The following MON2 variants were observed in gnomAD, a reference collection of about 807,000 sequenced individuals.
The protein encoded by MON2 is MON2 regulator of endosome-to-Golgi trafficking.
Under a neutral mutation model 208.6 loss-of-function variants are expected in MON2, and 84 were observed. The observed-to-expected ratio is 0.40, with a 90% CI of 0.34 to 0.48. MON2 has a LOEUF of 0.48. Ranked by LOEUF, MON2 falls within the 20% of genes least tolerant of loss-of-function variation. MON2 has a pLI of 0.59. For missense variants in MON2, 1,611 were observed against 2,015.4 expected, an observed-to-expected ratio of 0.80 and a Z score of 3.84; for synonymous variants, 660 against 694.0, an observed-to-expected ratio of 0.95 and a Z score of 0.77.
rs986414024 is a variant in MON2, at chr12:62,599,378, C to T, written c.*6629C>T. 1 of 152,142 alleles carries T rather than the reference C, an allele frequency of 6.6e-6. No individual in the cohort carries two copies. The allele number at this position is 152,142 out of a possible 1,614,324, so 9.4% of individuals were successfully genotyped here. ...TGTCCATATCAATGCCAGACTATCT[C>T]TCTACCTCTCAAAGAAAATAATTTG... is the stretch of plus-strand genomic sequence containing the variant. On this transcript the variant is annotated 3_prime_UTR_variant, in exon 35 of 35. Coordinates refer to ENST00000393630, the MANE Select transcript of MON2 (RefSeq NM_015026.3).
intron 30 of MON2, among the ~76,000 whole-genome samples, chr12:62,572,342 A>G (rs1237774779): frequency 6.6e-6 from 1 of 152,214 alleles, no homozygotes; most frequent in African/African-American, 2.4e-5. Context: ...GGCAGGACAG[A>G]TTTAAAGCGT....
intron 2 of MON2, among the ~76,000 whole-genome samples, chr12:62,487,542 A>G (rs1271178810): frequency 2.0e-5 from 3 of 151,934 alleles, no homozygotes; most frequent in African/African-American, 7.2e-5. Context: ...CTTTTTTCAC[A>G]TGTTGTTCCC....
chr12:62,472,563 T>A (rs953071921), intron 1 of MON2, among the ~76,000 whole-genome samples: 1 of 152,236 alleles, frequency 6.6e-6, no homozygotes, highest in Admixed American at 6.5e-5. Context: ...TTTCTTGTGA[T>A]AGAGTTCCTC....
rs944187100 is a variant in MON2 at position 62,594,703 on chromosome 12, C to G, written c.*1954C>G. 2 of 152,164 alleles carry G rather than the reference C, an allele frequency of 1.3e-5. No individual in the cohort carries two copies. The highest frequency in any genetic ancestry group is 2.4e-5 in the African/African-American group (1 of 41,432). The allele number at this position is 152,164 out of a possible 1,614,324, so 9.4% of individuals were successfully genotyped here. ...GATAATTAAATAGTTAAATATGAGT[C>G]AAGTGTATGCAATATACATTTATAT... On this transcript the variant is annotated 3_prime_UTR_variant, in exon 35 of 35. Transcript: ENST00000393630.
At chr12:62,532,005 G>A (rs576110012) in intron 11 of MON2, among the ~76,000 whole-genome samples, 2 of 152,122 alleles carry the variant, frequency 1.3e-5, no homozygotes, top group East Asian at 1.9e-4. Context: ...TCCTGACCTC[G>A]TGATCCACCC....
At chr12:62,527,901 A>T (rs17098038) in intron 11 of MON2, among the ~76,000 whole-genome samples, 22,523 of 151,532 alleles carry the variant, frequency 0.15, 1,866 homozygotes, top group East Asian at 0.27. Context: ...GGGTTGTAGA[A>T]CTCCTTTTTA....
chr12:62,521,145 A>G (rs1035972160), intron 8 of MON2, among the ~76,000 whole-genome samples: 7 of 151,866 alleles, frequency 4.6e-5, no homozygotes, highest in African/African-American at 1.7e-4. Context: ...AGCTGGGATT[A>G]CAGGTGCCTG....
intron 29 of MON2, 74 bp from the exon 30 acceptor site, chr12:62,571,318 C>CTGTAGTT (rs2074589307): frequency 9.2e-7 from 1 of 1,088,826 alleles, no homozygotes; most frequent in African/African-American, 1.6e-5. Context: ...TTTTTCTCTG[C>CTGTAGTT]TGTAGTTTTT....
Position 62,509,355 on chromosome 12 carries a change from T to C in MON2, c.984+875T>C, listed in dbSNP as rs577277714. ...GTCTTGAACTCCTGACCTCAGGTGATCCACCCGCCTCAACCTCCCAAAGTG... is the reference window on the plus strand; with the variant it reads ...GTCTTGAACTCCTGACCTCAGGTGACCCACCCGCCTCAACCTCCCAAAGTG... On this transcript the variant is annotated intron_variant, in intron 8 of 34. Coordinates refer to ENST00000393630, the MANE Select transcript of MON2 (RefSeq NM_015026.3). Among the ~76,000 whole-genome samples, 3 of 152,202 alleles carry C rather than the reference T, an allele frequency of 2.0e-5. No homozygotes were observed. In the East Asian group the frequency reaches 5.8e-4, roughly 29 times the overall value.
At chr12:62,588,221 G>T (rs901086281) in intron 34 of MON2, 65 bp downstream of exon 34, 5 of 1,143,048 alleles carry the variant, frequency 4.4e-6, no homozygotes, top group Non-Finnish European at 6.3e-6. Context: ...ATGGACTTTT[G>T]TCTGTTAATT....
At chr12:62,534,784 AT>A (rs1388051017) in intron 12 of MON2, 60 bp from the exon 13 acceptor site, 20 of 1,223,580 alleles carry the variant, frequency 1.6e-5, no homozygotes, top group Non-Finnish European at 1.2e-6. Context: ...AATTTCACAT[AT>A]TAATACATAT....
chr12:62,581,102 A>C (rs1450654580), intron 32 of MON2, among the ~76,000 whole-genome samples: 1 of 152,230 alleles, frequency 6.6e-6, no homozygotes, highest in East Asian at 1.9e-4. Context: ...AATTGCTCAC[A>C]ATCTTAGGGC....
chr12:62,498,859 TA>T, intron 4 of MON2, 59 bp from the exon 5 acceptor site: 1 of 1,493,462 alleles, frequency 6.7e-7, no homozygotes, highest in Non-Finnish European at 9.0e-7. Flanking sequence ...AATTATTCAA[TA>T]AAGATAATGG....
intron 2 of MON2, 68 bp from the exon 3 acceptor site, chr12:62,493,847 T>C: frequency 1.7e-6 from 2 of 1,185,820 alleles, no homozygotes; most frequent in Non-Finnish European, 2.3e-6. Flanking sequence ...TGGTTGTAAT[T>C]ATATAAAAAT....
At chr12:62,510,324 A>G (rs1024781511) in intron 8 of MON2, among the ~76,000 whole-genome samples, 3 of 152,116 alleles carry the variant, frequency 2.0e-5, no homozygotes, top group Admixed American at 6.6e-5. Flanking sequence ...CCAGACAAAA[A>G]TACTACAAGG....
rs562299046 is a variant in MON2, at chr12:62,544,780, T to TA, written c.2467-117dup. On this transcript the variant is annotated intron_variant, in intron 20 of 34. Transcript: ENST00000393630. ...CCCTTATTCAGAAGGTAAGCTAACT[T>TA]ACATTTTGGGTGTAATTTTTCTTCC... 4.2e-4 allele frequency: 641 copies of TA among 1,540,864 alleles called. 11 individuals are homozygous for TA. The East Asian group carries it at 0.011, about 25-fold the overall frequency.
At chr12:62,559,961 T>G (rs1211950955) in intron 25 of MON2, 1 of 152,628 alleles carries the variant, frequency 6.6e-6, no homozygotes. Context: ...CGAGAACTTC[T>G]TACTTAATCA....
rs759283706 is a variant in MON2 at position 62,534,859 on chromosome 12, T to A, written c.1648T>A (p.Trp550Arg). 4 of 1,611,826 alleles carry A rather than the reference T, an allele frequency of 2.5e-6. No individual in the cohort carries two copies. The highest frequency in any genetic ancestry group is 1.1e-5 in the South Asian group (1 of 90,988). The stretch of plus-strand genomic sequence containing the variant: ...TTTCCTTTAAGTTAGTAGGGCTGTT[T>A]GGGAAGAAATGGTGAATGCCTGCTG... Reference protein sequence around the residue: ...MDKEIVSRAVWEEMVNACWCG... With the variant: ...MDKEIVSRAVREEMVNACWCG... The change falls in exon 13 of 35, where the codon TGG (tryptophan) becomes AGG (arginine). Residue 550 changes from tryptophan (W) to arginine (R), a missense_variant. Coordinates refer to ENST00000393630, the MANE Select transcript of MON2 (RefSeq NM_015026.3).
intron 22 of MON2, among the ~76,000 whole-genome samples, chr12:62,549,355 C>T (rs2073640659): frequency 6.6e-6 from 1 of 151,164 alleles, no homozygotes; most frequent in African/African-American, 2.4e-5. Context: ...TGTGGTAGCT[C>T]ATGCCTGTAA....
Sources: allele counts gnomAD v4.1 joint callset (sites outside exome capture counted in the v4.1 genomes callset), GRCh38; gene constraint gnomAD v4.1.1; transcripts MANE v1.5; gene names NCBI Gene and HGNC (gene_info 2026-07-23, HGNC 2026-07-21).